BRD10: variants seen among roughly 807,000 people sequenced by gnomAD.
The protein encoded by BRD10 is uncharacterized bromodomain-containing protein 10.
the BRD10 span, among the ~76,000 whole-genome samples, chr9:5,950,800 T>G: frequency 6.6e-6 from 1 of 152,032 alleles, no homozygotes; most frequent in Non-Finnish European, 1.5e-5. Context: ...TGATATAAAG[T>G]GGTATAGTAT....
the BRD10 span, among the ~76,000 whole-genome samples, chr9:5,971,792 T>C: frequency 6.6e-6 from 1 of 152,150 alleles, no homozygotes; most frequent in Non-Finnish European, 1.5e-5. Context: ...TGTACAGAGC[T>C]AGGACTCCAA....
At chr9:5,940,422 C>T in the BRD10 span, among the ~76,000 whole-genome samples, 7,914 of 151,566 alleles carry the variant, frequency 0.052, 602 homozygotes, top group African/African-American at 0.16. Context: ...CTCGAACTCC[C>T]AACCTTGTGA....
chr9:5,997,654 A>G, the BRD10 span, among the ~76,000 whole-genome samples: 1 of 152,198 alleles, frequency 6.6e-6, no homozygotes, highest in Non-Finnish European at 1.5e-5. Flanking sequence ...ATAATGGAGA[A>G]AGTTGATGTT....
chr9:5,980,427 A>C, the BRD10 span, among the ~76,000 whole-genome samples: 1 of 152,220 alleles, frequency 6.6e-6, no homozygotes, highest in Non-Finnish European at 1.5e-5. Context: ...TAATAAAGAC[A>C]GCAATAGAGG....
At chr9:5,887,240 C>T in the BRD10 span, among the ~76,000 whole-genome samples, 2 of 152,162 alleles carry the variant, frequency 1.3e-5, no homozygotes, top group Admixed American at 1.3e-4. Flanking sequence ...GCCTGGGCAA[C>T]AGAACAAGAC....
chr9:5,932,737 C>T, the BRD10 span, among the ~76,000 whole-genome samples: 1 of 152,122 alleles, frequency 6.6e-6, no homozygotes. Flanking sequence ...TAGAATTCTA[C>T]ACTCTAAATA....
At chr9:5,969,111 T>A in the BRD10 span, 2 of 1,613,724 alleles carry the variant, frequency 1.2e-6, no homozygotes, top group African/African-American at 2.7e-5. Context: ...ACTTTCTGCC[T>A]CAGCGCTGCT....
At chr9:5,940,296 C>T in the BRD10 span, among the ~76,000 whole-genome samples, 12 of 152,150 alleles carry the variant, frequency 7.9e-5, no homozygotes, top group South Asian at 2.1e-4. Flanking sequence ...CTAGTTCAAG[C>T]AATTCTCCTG....
the BRD10 span, among the ~76,000 whole-genome samples, chr9:5,911,237 G>A: frequency 1.3e-5 from 2 of 152,250 alleles, no homozygotes; most frequent in South Asian, 2.1e-4. Context: ...AAAGATACGG[G>A]TCTTGTTTCA....
At chr9:5,989,935 T>C in the BRD10 span, among the ~76,000 whole-genome samples, 1 of 152,224 alleles carries the variant, frequency 6.6e-6, no homozygotes, top group African/African-American at 2.4e-5. Flanking sequence ...TGTAACAACC[T>C]TACCCTCAGT....
At chr9:5,921,698 A>G in the BRD10 span, 2 of 1,608,158 alleles carry the variant, frequency 1.2e-6, no homozygotes, top group Non-Finnish European at 1.7e-6. Flanking sequence ...TGGAGTATGA[A>G]TAATATTTGC....
chr9:5,900,208 A>C, the BRD10 span, among the ~76,000 whole-genome samples: 1 of 152,152 alleles, frequency 6.6e-6, no homozygotes, highest in Non-Finnish European at 1.5e-5. Flanking sequence ...GAGAGTCTTA[A>C]TGTCATGTGC....
the BRD10 span, among the ~76,000 whole-genome samples, chr9:5,890,027 T>G: frequency 6.6e-6 from 1 of 152,266 alleles, no homozygotes; most frequent in African/African-American, 2.4e-5. Flanking sequence ...TTTTTCTATT[T>G]CCTTTTCTTG....
the BRD10 span, among the ~76,000 whole-genome samples, chr9:5,996,223 C>G: frequency 1.1e-4 from 16 of 152,158 alleles, no homozygotes; most frequent in East Asian, 3.1e-3. Flanking sequence ...CAAACAAAAC[C>G]TTCCAAAGCC....
At chr9:5,944,396 C>G in the BRD10 span, among the ~76,000 whole-genome samples, 1 of 151,254 alleles carries the variant, frequency 6.6e-6, no homozygotes, top group Admixed American at 6.6e-5. Flanking sequence ...TAAAAAAAAA[C>G]TTTCAGCAGA....
the BRD10 span, among the ~76,000 whole-genome samples, chr9:5,911,385 T>C: frequency 6.6e-6 from 1 of 150,730 alleles, no homozygotes. Context: ...TTCTCTATTG[T>C]GTTTCATTGG....
At chr9:5,922,884 G>A in the BRD10 span, 24 of 1,613,978 alleles carry the variant, frequency 1.5e-5, no homozygotes, top group Non-Finnish European at 2.0e-5. Flanking sequence ...GATAAAACTG[G>A]TTTTTCCACA....
At chr9:5,904,751 C>T in the BRD10 span, among the ~76,000 whole-genome samples, 1 of 150,914 alleles carries the variant, frequency 6.6e-6, no homozygotes, top group Non-Finnish European at 1.5e-5. Context: ...AGGCGTGAGC[C>T]ACCGCGCCCA....
At chr9:5,913,581 G>T in the BRD10 span, among the ~76,000 whole-genome samples, 95 of 152,312 alleles carry the variant, frequency 6.2e-4, no homozygotes, top group African/African-American at 2.2e-3. Context: ...AAAACATAAA[G>T]AGGTTGTAAA....
Sources: allele counts gnomAD v4.1 joint callset (sites outside exome capture counted in the v4.1 genomes callset), GRCh38; gene constraint gnomAD v4.1.1; transcripts MANE v1.5; gene names NCBI Gene and HGNC (gene_info 2026-07-23, HGNC 2026-07-21).